PLXNA2: variants seen among roughly 807,000 people sequenced by gnomAD.
PLXNA2 encodes the protein plexin-A2.
Under a neutral mutation model 193.5 loss-of-function variants are expected in PLXNA2, and 91 were observed. That is an observed-to-expected ratio of 0.47 (90% CI 0.40 to 0.56). PLXNA2 has a LOEUF of 0.56. Among genes scored for constraint, PLXNA2 ranks in the 20% least tolerant of loss-of-function variants. The probability of loss-of-function intolerance (pLI) is 0.00; values close to 1 mark genes in which losing one functional copy is unlikely to be tolerated. For missense variants in PLXNA2, 1,995 were observed against 2,503.2 expected, an observed-to-expected ratio of 0.80 and a Z score of 4.33; for synonymous variants, 997 against 1,027.3, an observed-to-expected ratio of 0.97 and a Z score of 0.56.
At position 208,244,338 on chromosome 1, in the gene PLXNA2, G is replaced by A. The variant is rs1292998370; in HGVS notation, c.-776C>T. On this transcript the variant is annotated 5_prime_UTR_variant, in exon 1 of 32. Transcript: ENST00000367033. ...CGGCGGCGGCGGCGGCGGCGGCGGA[G>A]GAGCCCTGAGCGCCGGCCTCCCTAT... is the stretch of plus-strand genomic sequence containing the variant. The A allele has an allele frequency of 1.5e-5, 3 of 195,734 alleles. No individual in the cohort carries two copies. Among genetic ancestry groups the A allele is most frequent in the Non-Finnish European group, 3.0e-5 (3 of 100,586 alleles). 12.1% of individuals were successfully genotyped at this position (195,734 alleles called of 1,614,324 possible). A position where few individuals can be genotyped will look rare whatever the true frequency, so the allele number is the denominator to read the frequency against.
intron 15 of PLXNA2, 70 bp from the exon 16 acceptor site, chr1:208,051,493 A>G (rs1665260904): frequency 5.9e-6 from 8 of 1,345,154 alleles, no homozygotes; most frequent in Non-Finnish European, 8.3e-6. Flanking sequence ...TGGCTTGACA[A>G]GGGGCTTTCC....
At chr1:208,055,465 G>A (rs552200028) in intron 13 of PLXNA2, among the ~76,000 whole-genome samples, 2 of 152,176 alleles carry the variant, frequency 1.3e-5, no homozygotes, top group East Asian at 1.9e-4. Context: ...TGGAATGGTC[G>A]GGCCTGGGCT....
intron 1 of PLXNA2, among the ~76,000 whole-genome samples, chr1:208,219,566 C>G (rs1166303664): frequency 6.6e-6 from 1 of 152,204 alleles, no homozygotes; most frequent in Non-Finnish European, 1.5e-5. Flanking sequence ...TTAGGAGAGG[C>G]CTTTCTCCCT....
Position 208,038,484 on chromosome 1 carries a change from G to A in PLXNA2, c.4661-10C>T, listed in dbSNP as rs1164632199. On this transcript the variant is annotated splice_polypyrimidine_tract_variant and intron_variant, in intron 25 of 31. Transcript: ENST00000367033. The surrounding 1 kb of genome is among the most constrained non-coding windows in gnomAD (Gnocchi z 4.1). Reference sequence around the variant, plus strand: ...CGGCCTTGGCGCCACTCTGGGTGGAGGGGGTGGTGCAGGGAGCGGCGTGAG... The same window carrying A: ...CGGCCTTGGCGCCACTCTGGGTGGAAGGGGTGGTGCAGGGAGCGGCGTGAG... 1.2e-6 allele frequency: 2 copies of A among 1,606,766 alleles called. No homozygotes were observed. Among genetic ancestry groups the A allele is most frequent in the South Asian group, 2.2e-5 (2 of 90,904 alleles).
Position 208,060,802 on chromosome 1 carries a change from C to T in PLXNA2, c.2622G>A (p.Thr874=), listed in dbSNP as rs755046855. 1.3e-4 allele frequency: 210 copies of T among 1,614,084 alleles called. 1 individual carries two copies. The highest frequency in any genetic ancestry group is 6.5e-4 in the Admixed American group (39 of 60,012). ...LTVSGPPEGG[T]RVTIHGVNLG... ...GGTTCACGCCATGGATGGTCACTCG[C>T]GTCCCTCCTTCCGGCGGTCCAGACA... Residue 874 remains threonine, a synonymous_variant, in exon 13 of 32, where the codon ACG becomes ACA. Coordinates refer to ENST00000367033, the MANE Select transcript of PLXNA2 (RefSeq NM_025179.4).
At position 208,164,481 on chromosome 1, in the gene PLXNA2, C is replaced by T. The variant is rs192980093; in HGVS notation, c.1372-22018G>A. 1.4e-4 allele frequency among the ~76,000 whole-genome samples: 22 copies of T among 152,296 alleles called. No individual in the cohort carries two copies. In the East Asian group the frequency reaches 4.2e-3, roughly 29 times the overall value. Reference sequence around the variant, plus strand: ...ACCAGTTGCTTTTTGGTGGTGTCTTCCATTGAGGGCCAGTTCCAGACACCT... The same window carrying T: ...ACCAGTTGCTTTTTGGTGGTGTCTTTCATTGAGGGCCAGTTCCAGACACCT... On this transcript the variant is annotated intron_variant, in intron 3 of 31. Transcript: ENST00000367033.
At chr1:208,242,057 G>A (rs1672072387) in intron 1 of PLXNA2, among the ~76,000 whole-genome samples, 2 of 152,192 alleles carry the variant, frequency 1.3e-5, no homozygotes, top group South Asian at 4.1e-4. Context: ...TTGCCTGGAG[G>A]TCAGAGGGGA....
At position 208,217,082 on chromosome 1, in the gene PLXNA2, C is replaced by G; in HGVS notation, c.841G>C (p.Val281Leu). Residue 281 changes from valine to leucine, a missense_variant, in exon 2 of 32, where the codon GTG (valine) becomes CTG (leucine). Val to Leu is a conservative substitution (Grantham distance 32, BLOSUM62 1). This residue lies in a region of PLXNA2 where 702 missense variants were observed against 812.9 expected (regional missense o/e 0.86). Coordinates refer to ENST00000367033, the MANE Select transcript of PLXNA2 (RefSeq NM_025179.4). This position sits in a 1 kb window ranked among gnomAD's most constrained non-coding sequence, Gnocchi z 4.7. Reference protein sequence around the residue: ...AGDLFYTSRIVRLCKDDPKFH... With the variant: ...AGDLFYTSRILRLCKDDPKFH... The stretch of plus-strand genomic sequence containing the variant: ...TTGGGGTCATCCTTGCAGAGCCGCA[C>G]GATGCGTGAGGTGTAGAAGAGGTCT... 3 of 1,614,074 alleles carry G rather than the reference C, an allele frequency of 1.9e-6. No individual in the cohort carries two copies. The highest frequency in any genetic ancestry group is 2.5e-6 in the Non-Finnish European group (3 of 1,179,958).
chr1:208,064,611 A>G (rs1665728366), intron 12 of PLXNA2, among the ~76,000 whole-genome samples: 1 of 152,202 alleles, frequency 6.6e-6, no homozygotes, highest in Non-Finnish European at 1.5e-5. Context: ...AGGAACAGAG[A>G]GAGGCACCCT....
intron 3 of PLXNA2, among the ~76,000 whole-genome samples, chr1:208,209,558 C>G (rs917275809): frequency 3.3e-5 from 5 of 152,156 alleles, no homozygotes; most frequent in South Asian, 2.1e-4. Flanking sequence ...AGGCACTAGA[C>G]AAGCTGGTAC....
At chr1:208,156,592 T>C (rs562592982) in intron 3 of PLXNA2, among the ~76,000 whole-genome samples, 1 of 152,162 alleles carries the variant, frequency 6.6e-6, no homozygotes, top group Non-Finnish European at 1.5e-5. Context: ...GATTATAAAA[T>C]CTTTTATTAA....
At chr1:208,097,454 C>G (rs1666936009) in intron 6 of PLXNA2, among the ~76,000 whole-genome samples, 2 of 152,186 alleles carry the variant, frequency 1.3e-5, no homozygotes, top group Admixed American at 1.3e-4. Context: ...TGTTCTCTAG[C>G]AGCTCCCTTG....
At chr1:208,128,708 T>C (rs1571948210) in intron 4 of PLXNA2, among the ~76,000 whole-genome samples, 2 of 144,184 alleles carry the variant, frequency 1.4e-5, no homozygotes, top group South Asian at 2.3e-4. Flanking sequence ...TTTTTTTTTT[T>C]TTTTTTTTTT....
At chr1:208,111,227 T>C (rs1448710935) in intron 4 of PLXNA2, among the ~76,000 whole-genome samples, 1 of 152,034 alleles carries the variant, frequency 6.6e-6, no homozygotes, top group African/African-American at 2.4e-5. Context: ...ATTAATTTAA[T>C]TTAATTTAAT....
At position 208,039,983 on chromosome 1, in the gene PLXNA2, C is replaced by T. The variant is rs745764448; in HGVS notation, c.4353+9G>A. Reference sequence around the variant, plus strand: ...TGGACGCTAGGCCCCGTCTCACTCCCTTTCTCACCTTTAGGAACTTGTGCA... The same window carrying T: ...TGGACGCTAGGCCCCGTCTCACTCCTTTTCTCACCTTTAGGAACTTGTGCA... On this transcript the variant is annotated intron_variant, in intron 23 of 31. Coordinates refer to ENST00000367033, the MANE Select transcript of PLXNA2 (RefSeq NM_025179.4). 43 of 1,613,708 alleles carry T rather than the reference C, an allele frequency of 2.7e-5. 1 individual carries two copies. In the East Asian group the frequency reaches 8.5e-4, roughly 32 times the overall value.
chr1:208,051,478 C>A (rs982927800), intron 15 of PLXNA2, 55 bp from the exon 16 acceptor site: 23 of 1,494,328 alleles, frequency 1.5e-5, no homozygotes, highest in Admixed American at 4.2e-5. Flanking sequence ...ACAAGAGGTG[C>A]CCACTGGCTT....
intron 22 of PLXNA2, 150 bp downstream of exon 22, chr1:208,041,948 T>C (rs1664884029): frequency 2.4e-6 from 2 of 817,770 alleles, no homozygotes; most frequent in Admixed American, 4.7e-5. Context: ...GATTCTGCCC[T>C]GCAGAGACGT....
chr1:208,048,672 G>A (rs1482504651), intron 17 of PLXNA2, among the ~76,000 whole-genome samples: 1 of 152,238 alleles, frequency 6.6e-6, no homozygotes, highest in Non-Finnish European at 1.5e-5. Flanking sequence ...CAGGTGTCAG[G>A]TGTGGGGAAG....
At chr1:208,159,574 A>T (rs1669045111) in intron 3 of PLXNA2, among the ~76,000 whole-genome samples, 1 of 152,212 alleles carries the variant, frequency 6.6e-6, no homozygotes, top group Non-Finnish European at 1.5e-5. Flanking sequence ...CAGCCATCCA[A>T]GGGGATTTAG....
Sources: allele counts gnomAD v4.1 joint callset (sites outside exome capture counted in the v4.1 genomes callset), GRCh38; gene constraint gnomAD v4.1.1; regional missense constraint gnomAD v4.1.1; non-coding constraint Gnocchi (gnomAD v3.1); transcripts MANE v1.5; gene names NCBI Gene and HGNC (gene_info 2026-07-23, HGNC 2026-07-21).